Variants in ULK4 observed in about 807,000 individuals in gnomAD.
ULK4 encodes the protein inactive serine/threonine-protein kinase ULK4.
ULK4 carries 133 observed loss-of-function variants against 160.6 expected under a neutral mutation model. That is an observed-to-expected ratio of 0.83 (90% CI 0.72 to 0.96). ULK4 has a LOEUF of 0.96. ULK4 is among the 40% of genes least tolerant of loss of function. ULK4 has a pLI of 0.00. For synonymous variants in ULK4, 534 were observed against 539.8 expected (o/e 0.99, Z 0.15); for missense variants, 1,580 against 1,499.5 (o/e 1.05, Z -0.89).
At chr3:41,490,191 C>T (rs977570197) in intron 32 of ULK4, among the ~76,000 whole-genome samples, 1 of 152,144 alleles carries the variant, frequency 6.6e-6, no homozygotes. Context: ...CTCTCTGCCT[C>T]TGATCTCCAT....
In ULK4 at chr3:41,295,603, T is replaced by TA. The variant is rs58981758; in HGVS notation, c.3679-46030dup. On this transcript the variant is annotated intron_variant, in intron 35 of 36. Transcript: ENST00000301831. ...AACTGAACAGTAAGAAAACAGTTGA[T>TA]AAAAAAAAAAAGCCAAAGACCATAA... 7.5e-4 allele frequency among the ~76,000 whole-genome samples: 87 copies of TA among 116,044 alleles called. 14 individuals carry two copies. The highest frequency in any genetic ancestry group is 4.5e-3 in the Middle Eastern group (1 of 222). 76.1% of individuals were successfully genotyped at this position (116,044 alleles called of 152,430 possible).
At chr3:41,897,053 G>A (rs752982310) in intron 14 of ULK4, 50 bp from the exon 15 acceptor site, 68 of 1,481,832 alleles carry the variant, frequency 4.6e-5, no homozygotes, top group Non-Finnish European at 6.2e-5. Flanking sequence ...AAAAAGAACT[G>A]CTGGAAACAT....
chr3:41,248,867 G>A (rs1435483247), intron 36 of ULK4, among the ~76,000 whole-genome samples: 2 of 152,138 alleles, frequency 1.3e-5, no homozygotes, highest in Admixed American at 6.5e-5. Flanking sequence ...GCCTATCTCC[G>A]GTCTGTGGAA....
rs947980654 is a variant in ULK4 at position 41,562,638 on chromosome 3, T to G, written c.3226+3387A>C. Among the ~76,000 whole-genome samples, 27 of 152,328 alleles carry G rather than the reference T, an allele frequency of 1.8e-4. No individual in the cohort carries two copies. The South Asian group carries it at 3.1e-3, about 18-fold the overall frequency. Reference sequence around the variant, plus strand: ...ATGGCCTTCTCTGTCTCTTTTCATCTTTGTTGGTTTAAAGTCTGTTTTATC... The same window carrying G: ...ATGGCCTTCTCTGTCTCTTTTCATCGTTGTTGGTTTAAAGTCTGTTTTATC... On this transcript the variant is annotated intron_variant, in intron 32 of 36. Coordinates refer to ENST00000301831, the MANE Select transcript of ULK4 (RefSeq NM_017886.4).
At chr3:41,709,649 T>G (rs2125834487) in intron 25 of ULK4, among the ~76,000 whole-genome samples, 1 of 152,306 alleles carries the variant, frequency 6.6e-6, no homozygotes, top group Non-Finnish European at 1.5e-5. Context: ...ACTCCCAAAG[T>G]GCTGGAATTA....
intron 17 of ULK4, among the ~76,000 whole-genome samples, chr3:41,854,571 G>A (rs2042291258): frequency 6.6e-6 from 1 of 152,122 alleles, no homozygotes; most frequent in Non-Finnish European, 1.5e-5. Flanking sequence ...TGTCTCCTAA[G>A]TTGATGCTTG....
chr3:41,352,080 T>C (rs1029411746), intron 35 of ULK4, among the ~76,000 whole-genome samples: 6 of 152,298 alleles, frequency 3.9e-5, no homozygotes, highest in Admixed American at 2.0e-4. Flanking sequence ...GAAAAAAAGG[T>C]TGAGCAACAC....
intron 31 of ULK4, among the ~76,000 whole-genome samples, chr3:41,590,267 G>A (rs1270455279): frequency 1.3e-5 from 2 of 151,576 alleles, no homozygotes; most frequent in Non-Finnish European, 1.5e-5. Flanking sequence ...CTCCCAAAGT[G>A]CTGGGATTAC....
intron 34 of ULK4, among the ~76,000 whole-genome samples, chr3:41,398,652 A>T (rs1221130004): frequency 6.6e-6 from 1 of 151,328 alleles, no homozygotes; most frequent in African/African-American, 2.4e-5. Context: ...TCAGCCTCCC[A>T]AAGTGCTGGG....
chr3:41,837,416 T>C (rs1230691046), intron 17 of ULK4, among the ~76,000 whole-genome samples: 1 of 152,180 alleles, frequency 6.6e-6, no homozygotes, highest in African/African-American at 2.4e-5. Flanking sequence ...CAGAAAGCCA[T>C]CAATTTACTT....
At chr3:41,686,402 A>G (rs78117329) in intron 27 of ULK4, among the ~76,000 whole-genome samples, 5,812 of 152,262 alleles carry the variant, frequency 0.038, 341 homozygotes, top group African/African-American at 0.13. Context: ...TTTGTGTTTA[A>G]TCACCAGAAA....
intron 22 of ULK4, among the ~76,000 whole-genome samples, chr3:41,751,569 C>A (rs530249554): frequency 2.6e-4 from 39 of 152,222 alleles, no homozygotes; most frequent in African/African-American, 8.9e-4. Flanking sequence ...GCCTTCAGAC[C>A]ACTATGTTCC....
At chr3:41,395,017 G>T (rs1297093747) in intron 35 of ULK4, among the ~76,000 whole-genome samples, 1 of 152,070 alleles carries the variant, frequency 6.6e-6, no homozygotes, top group African/African-American at 2.4e-5. Flanking sequence ...GGCTATTTCT[G>T]TTATTGTTGC....
chr3:41,263,269 T>C (rs973709095), intron 35 of ULK4, among the ~76,000 whole-genome samples: 3 of 152,162 alleles, frequency 2.0e-5, no homozygotes, highest in Non-Finnish European at 4.4e-5. Context: ...TATGGGGTCA[T>C]AGTGAGCTGT....
At chr3:41,662,798 C>T (rs546122317) in intron 30 of ULK4, among the ~76,000 whole-genome samples, 2 of 152,212 alleles carry the variant, frequency 1.3e-5, no homozygotes, top group East Asian at 3.9e-4. Flanking sequence ...GTGGACCTCT[C>T]AGACAAACTA....
intron 32 of ULK4, among the ~76,000 whole-genome samples, chr3:41,553,732 A>G (rs2087168726): frequency 6.6e-6 from 1 of 152,172 alleles, no homozygotes; most frequent in East Asian, 1.9e-4. Context: ...TATGGGGTAC[A>G]TAAGATATTT....
intron 34 of ULK4, among the ~76,000 whole-genome samples, chr3:41,438,419 A>G (rs2083084678): frequency 6.6e-6 from 1 of 152,182 alleles, no homozygotes; most frequent in African/African-American, 2.4e-5. Flanking sequence ...GTGACCTTCC[A>G]GTCAGGATGG....
intron 32 of ULK4, among the ~76,000 whole-genome samples, chr3:41,516,782 G>T (rs888013324): frequency 3.3e-5 from 5 of 152,114 alleles, no homozygotes; most frequent in African/African-American, 1.2e-4. Flanking sequence ...GCACAACAGG[G>T]TGACTATAGT....
intron 35 of ULK4, among the ~76,000 whole-genome samples, chr3:41,331,689 T>C (rs2080445431): frequency 6.6e-6 from 1 of 152,234 alleles, no homozygotes; most frequent in South Asian, 2.1e-4. Context: ...CCACTCACCA[T>C]CATCTTTGCC....
Sources: gnomAD v4.1 joint callset for allele counts (sites outside exome capture counted in the v4.1 genomes callset) on GRCh38, gnomAD v4.1.1 for gene constraint, MANE v1.5 for transcripts, NCBI Gene and HGNC (gene_info 2026-07-23, HGNC 2026-07-21) for gene names.